The following RAD52 variants were observed in gnomAD, a reference collection of about 807,000 sequenced individuals.
RAD52 encodes the protein RAD52 DNA repair protein.
A neutral mutation model predicts 55.5 loss-of-function variants in RAD52; 47 were observed. The observed-to-expected ratio is 0.85, with a 90% CI of 0.67 to 1.08. RAD52 has a LOEUF of 1.08. Among genes scored for constraint, RAD52 ranks in the 50% least tolerant of loss-of-function variants. The pLI is 0.00. For synonymous variants in RAD52, 184 were observed against 198.9 expected, an observed-to-expected ratio of 0.92 and a Z score of 0.63; for missense variants, 468 against 522.8, an observed-to-expected ratio of 0.90 and a Z score of 1.02.
intron 9 of RAD52, chr12:916,136 A>G: frequency 7.8e-7 from 1 of 1,278,586 alleles, no homozygotes; most frequent in South Asian, 2.0e-5. Context: ...GGAAAAAAGA[A>G]ATCATTGTCT....
At chr12:957,046 G>A (rs1958616306) in intron 1 of RAD52, among the ~76,000 whole-genome samples, 1 of 152,156 alleles carries the variant, frequency 6.6e-6, no homozygotes, top group South Asian at 2.1e-4. Flanking sequence ...TAAAAGGAGA[G>A]AAGCATAAAA....
At chr12:987,753 G>C (rs1452974678) in intron 1 of RAD52, among the ~76,000 whole-genome samples, 2 of 152,180 alleles carry the variant, frequency 1.3e-5, no homozygotes, top group African/African-American at 4.8e-5. Flanking sequence ...GTAGAAAAAG[G>C]GTTTTGCCAT....
chr12:972,784 AAAAAG>A (rs1221696816), intron 1 of RAD52, among the ~76,000 whole-genome samples: 1 of 150,752 alleles, frequency 6.6e-6, no homozygotes, highest in Non-Finnish European at 1.5e-5. Context: ...AAAAAAAAAA[AAAAAG>A]GGCCGCTCTT....
At chr12:987,584 A>G (rs1042035963) in intron 1 of RAD52, among the ~76,000 whole-genome samples, 7 of 145,216 alleles carry the variant, frequency 4.8e-5, no homozygotes, top group African/African-American at 1.8e-4. Flanking sequence ...TTCCTGAGAC[A>G]GGATCTGGCT....
intron 1 of RAD52, chr12:976,664 G>C (rs960279833): frequency 1.3e-5 from 2 of 152,176 alleles, no homozygotes; most frequent in Non-Finnish European, 2.9e-5. Flanking sequence ...GTGACCTCAG[G>C]TGATGCCATG....
intron 1 of RAD52, among the ~76,000 whole-genome samples, chr12:935,709 C>T (rs1468628908): frequency 4.7e-5 from 7 of 150,386 alleles, no homozygotes; most frequent in Non-Finnish European, 7.4e-5. Flanking sequence ...CAAAATTAGC[C>T]GGGTGTGGTG....
At chr12:926,812 A>G (rs1469568329) in intron 6 of RAD52, 3 of 1,536,746 alleles carry the variant, frequency 2.0e-6, no homozygotes. Flanking sequence ...GTAGCGGAGG[A>G]CTGCTGAGGA....
At chr12:936,476 T>C (rs985975087) in intron 1 of RAD52, among the ~76,000 whole-genome samples, 1 of 116,150 alleles carries the variant, frequency 8.6e-6, no homozygotes, top group African/African-American at 3.5e-5. Flanking sequence ...GGTTTTTCCA[T>C]TATAAAAGTA....
chr12:982,814 G>A, intron 1 of RAD52, among the ~76,000 whole-genome samples: 1 of 148,904 alleles, frequency 6.7e-6, no homozygotes, highest in East Asian at 2.0e-4. Context: ...CCTGCCCTGA[G>A]TAGCTAGGAC....
chr12:986,265 T>C (rs1592503999), intron 1 of RAD52, among the ~76,000 whole-genome samples: 2 of 152,160 alleles, frequency 1.3e-5, no homozygotes, highest in Admixed American at 1.3e-4. Flanking sequence ...GGTCTCGTTA[T>C]GTTGCCCAGG....
At position 972,563 on chromosome 12, in the gene RAD52, G is replaced by A. The variant is rs887930768; in HGVS notation, c.-19+17246C>T. 1.2e-4 allele frequency among the ~76,000 whole-genome samples: 18 copies of A among 151,650 alleles called. No individual in the cohort carries two copies. In the South Asian group the frequency reaches 1.7e-3, roughly 14 times the overall value. ...GGGCGGATCACGAGGTCAGGAGATC[G>A]AGACCATCCTGGCTAACACGGTGAA... On this transcript the variant is annotated intron_variant, in intron 1 of 11. Transcript: ENST00000430095.
At chr12:969,754 C>T (rs1173238988) in intron 1 of RAD52, among the ~76,000 whole-genome samples, 1 of 151,218 alleles carries the variant, frequency 6.6e-6, no homozygotes, top group African/African-American at 2.4e-5. Context: ...CACACCACTG[C>T]ACTCCAGCCT....
chr12:941,517 C>T (rs1465186386), intron 1 of RAD52, among the ~76,000 whole-genome samples: 1 of 152,104 alleles, frequency 6.6e-6, no homozygotes, highest in Non-Finnish European at 1.5e-5. Flanking sequence ...AGGGTTTCTC[C>T]ATGTTGGTCA....
At chr12:986,536 A>C (rs1959087686) in intron 1 of RAD52, among the ~76,000 whole-genome samples, 1 of 150,430 alleles carries the variant, frequency 6.6e-6, no homozygotes, top group Admixed American at 6.6e-5. Context: ...CTAATTTTTA[A>C]AATTTTTTTG....
At chr12:920,820 A>G (rs1480190352) in intron 7 of RAD52, among the ~76,000 whole-genome samples, 1 of 152,232 alleles carries the variant, frequency 6.6e-6, no homozygotes, top group East Asian at 1.9e-4. Context: ...TATACATAAC[A>G]TTCCACCCAC....
At chr12:965,046 C>T (rs1375896966) in intron 1 of RAD52, among the ~76,000 whole-genome samples, 1 of 152,010 alleles carries the variant, frequency 6.6e-6, no homozygotes, top group African/African-American at 2.4e-5. Context: ...ATGGCGCCAT[C>T]TTGGCTCACT....
In RAD52 at chr12:959,644, C is replaced by T. The variant is rs1958657346; in HGVS notation, c.-18-26568G>A. 2.0e-5 allele frequency among the ~76,000 whole-genome samples: 3 copies of T among 152,124 alleles called. No individual in the cohort carries two copies. In the South Asian group the frequency reaches 6.2e-4, roughly 32 times the overall value. Reference sequence around the variant, plus strand: ...ACAGTGGTTCATGAATCAGGGGGCACCAGAATCCAAGAAGTCCAGTGCTCC... The same window carrying T: ...ACAGTGGTTCATGAATCAGGGGGCATCAGAATCCAAGAAGTCCAGTGCTCC... On this transcript the variant is annotated intron_variant, in intron 1 of 11. Coordinates refer to the RAD52 transcript ENST00000430095.
chr12:953,713 G>A (rs1412588681), upstream of RAD52, among the ~76,000 whole-genome samples: 2 of 152,294 alleles, frequency 1.3e-5, no homozygotes, highest in East Asian at 3.9e-4. Context: ...AATGGCTTTA[G>A]GAAACTAACA....
chr12:933,074 C>T lies in RAD52; in HGVS notation c.-16G>A, dbSNP rs1298916164. On this transcript the variant is annotated splice_region_variant and 5_prime_UTR_variant, in exon 2 of 12. Transcript: ENST00000358495. Reference sequence around the variant, plus strand: ...TCCCAGACATCTTGATTCTGGTTGACCTCTATATAAATAAAAAGCGGAAAA... The same window carrying T: ...TCCCAGACATCTTGATTCTGGTTGATCTCTATATAAATAAAAAGCGGAAAA... 1.3e-6 allele frequency: 2 copies of T among 1,598,270 alleles called. No individual in the cohort carries two copies. Among genetic ancestry groups the T allele is most frequent in the Non-Finnish European group, 1.7e-6 (2 of 1,170,342 alleles).
Sources: gnomAD v4.1 joint callset for allele counts (sites outside exome capture counted in the v4.1 genomes callset) on GRCh38, gnomAD v4.1.1 for gene constraint, MANE v1.5 for transcripts, NCBI Gene and HGNC (gene_info 2026-07-23, HGNC 2026-07-21) for gene names.